Variants in DIP2C observed in about 807,000 individuals in gnomAD.
DIP2C encodes DIP2 acetate--CoA ligase C (putative), also known as disco-interacting protein 2 homolog C.
In DIP2C, 33 loss-of-function variants were observed where a neutral mutation model predicts 192.4. That is an observed-to-expected ratio of 0.17 (90% CI 0.13 to 0.23). The LOEUF (loss-of-function observed/expected upper bound fraction) is 0.23, where lower values mean the gene tolerates loss of function less well. DIP2C is among the 10% of genes least tolerant of loss of function. The pLI is 1.00. For missense variants in DIP2C, 1,537 were observed against 2,110.1 expected, an observed-to-expected ratio of 0.73 and a Z score of 5.32; for synonymous variants, 979 against 864.1, an observed-to-expected ratio of 1.13 and a Z score of -2.33.
At chr10:530,548 T>A (rs1353375943) in intron 1 of DIP2C, among the ~76,000 whole-genome samples, 1 of 149,874 alleles carries the variant, frequency 6.7e-6, no homozygotes, top group African/African-American at 2.5e-5. Context: ...GCTGGTGCAG[T>A]GGCTCAAGCC....
intron 2 of DIP2C, among the ~76,000 whole-genome samples, chr10:483,268 C>T (rs906179223): frequency 2.0e-5 from 3 of 152,222 alleles, no homozygotes; most frequent in Non-Finnish European, 4.4e-5. Context: ...CCCTTACAGG[C>T]AAGTGCGCAG....
chr10:330,150 C>A (rs1242136131), intron 29 of DIP2C, among the ~76,000 whole-genome samples: 1 of 152,074 alleles, frequency 6.6e-6, no homozygotes, highest in Admixed American at 6.5e-5. Flanking sequence ...CAGGCCTATA[C>A]CTGGTTTAGA....
chr10:278,486 T>C (rs1954642718), intron 36 of DIP2C, among the ~76,000 whole-genome samples: 1 of 152,166 alleles, frequency 6.6e-6, no homozygotes, highest in South Asian at 2.1e-4. Context: ...GTCCGGAGGA[T>C]AAGAAACACG....
At chr10:653,930 T>C (rs912157777) in intron 1 of DIP2C, among the ~76,000 whole-genome samples, 2 of 152,238 alleles carry the variant, frequency 1.3e-5, no homozygotes, top group Non-Finnish European at 2.9e-5. Flanking sequence ...TAATCATGTC[T>C]GGATTAATGG....
chr10:581,032 TGGTG>T (rs1404156344), intron 1 of DIP2C, among the ~76,000 whole-genome samples: 303 of 152,358 alleles, frequency 2.0e-3, no homozygotes, highest in Middle Eastern at 0.01. Context: ...ATTCATTTTC[TGGTG>T]AGAGAGACCA....
chr10:514,086 G>C (rs1846198618), intron 1 of DIP2C, among the ~76,000 whole-genome samples: 1 of 152,294 alleles, frequency 6.6e-6, no homozygotes, highest in African/African-American at 2.4e-5. Context: ...TCTGCCTATA[G>C]CATGTGTAAC....
intron 1 of DIP2C, among the ~76,000 whole-genome samples, chr10:637,962 C>G (rs1001963078): frequency 1.3e-5 from 2 of 152,200 alleles, no homozygotes; most frequent in Non-Finnish European, 2.9e-5. Flanking sequence ...TCCATTAAGA[C>G]AAGCCAAGAC....
intron 1 of DIP2C, among the ~76,000 whole-genome samples, chr10:557,069 T>A (rs985371994): frequency 6.6e-6 from 1 of 152,220 alleles, no homozygotes; most frequent in African/African-American, 2.4e-5. Context: ...TCAAAGCTGG[T>A]CAGTGTGGCC....
At chr10:473,524 GCT>G (rs143010035) in intron 2 of DIP2C, among the ~76,000 whole-genome samples, 3,280 of 150,486 alleles carry the variant, frequency 0.022, 117 homozygotes, top group African/African-American at 0.076. Flanking sequence ...TCCGTGAACG[GCT>G]CTGATACCAC....
chr10:476,928 C>A (rs1843077593), intron 2 of DIP2C, among the ~76,000 whole-genome samples: 1 of 151,842 alleles, frequency 6.6e-6, no homozygotes, highest in Non-Finnish European at 1.5e-5. Context: ...AGGAGGTGAC[C>A]TTGCTCTCGG....
intron 29 of DIP2C, among the ~76,000 whole-genome samples, chr10:338,834 C>T (rs941805043): frequency 7.0e-6 from 1 of 143,276 alleles, no homozygotes; most frequent in Non-Finnish European, 1.5e-5. Context: ...GCCACCTGCA[C>T]GCTGCACGCT....
Position 548,206 on chromosome 10 carries a change from CCA to C in DIP2C, c.86-61678_86-61677del, listed in dbSNP as rs1491293258. Among the ~76,000 whole-genome samples the C allele has an allele frequency of 5.0e-4, 40 of 79,976 alleles. 1 individual carries two copies. Among genetic ancestry groups the C allele is most frequent in the African/African-American group, 1.3e-3 (30 of 22,948 alleles). The allele number at this position is 79,976 out of a possible 152,430, so 52.5% of individuals were successfully genotyped here. On this transcript the variant is annotated intron_variant, in intron 1 of 36. Transcript: ENST00000280886. ...TCAGTCCAATTCACACGAGTCTGCCCCACCCCCCCCCCCACAGGAAAGCCCTG... is the reference window on the plus strand; with the variant it reads ...TCAGTCCAATTCACACGAGTCTGCCCCCCCCCCCCCCACAGGAAAGCCCTG...
chr10:565,435 A>C (rs1169255967), intron 1 of DIP2C, among the ~76,000 whole-genome samples: 1 of 151,940 alleles, frequency 6.6e-6, no homozygotes, highest in Non-Finnish European at 1.5e-5. Context: ...CACATCTCAC[A>C]TGCAGTGAAA....
At chr10:368,873 C>T (rs555331956) in intron 18 of DIP2C, among the ~76,000 whole-genome samples, 1 of 152,366 alleles carries the variant, frequency 6.6e-6, no homozygotes, top group East Asian at 1.9e-4. Flanking sequence ...CTGATGCTGC[C>T]TGTGACCCCA....
chr10:681,086 T>C (rs1207341449), intron 1 of DIP2C, among the ~76,000 whole-genome samples: 1 of 149,828 alleles, frequency 6.7e-6, no homozygotes. Flanking sequence ...CCCAGTTGCA[T>C]GGTACAGCCA....
intron 3 of DIP2C, among the ~76,000 whole-genome samples, chr10:451,067 C>G (rs189221814): frequency 6.6e-6 from 1 of 152,318 alleles, no homozygotes; most frequent in East Asian, 1.9e-4. Flanking sequence ...CTCTGCAGCA[C>G]CGGGCTGTGC....
intron 1 of DIP2C, among the ~76,000 whole-genome samples, chr10:532,694 TATGGGTGTGAGAGAGA>T (rs1847469530): frequency 2.1e-5 from 2 of 93,872 alleles, no homozygotes; most frequent in Admixed American, 2.1e-4. Context: ...TGTGAGAGAG[TATGGGTGTGAGAGAGA>T]GTATGGGTGT....
chr10:448,769 CCT>C (rs1488967852), intron 3 of DIP2C, among the ~76,000 whole-genome samples: 7 of 150,290 alleles, frequency 4.7e-5, no homozygotes, highest in East Asian at 4.0e-4. Context: ...CCCACTCACC[CCT>C]GTCGATACTC....
chr10:356,360 C>G lies in DIP2C; in HGVS notation c.2985+66G>C, dbSNP rs571616408. On this transcript the variant is annotated intron_variant, in intron 24 of 36. Transcript: ENST00000280886. ...AAGGATTCAAAGAAAGAAGCAGGAG[C>G]GCTCCCAGGAACCAGGCTAGGCCCC... is the stretch of plus-strand genomic sequence containing the variant. The G allele has an allele frequency of 1.2e-5, 19 of 1,543,648 alleles. No individual in the cohort carries two copies. In the Middle Eastern group the frequency reaches 6.7e-4, roughly 55 times the overall value.
Sources: gnomAD v4.1 joint callset for allele counts (sites outside exome capture counted in the v4.1 genomes callset) on GRCh38, gnomAD v4.1.1 for gene constraint, MANE v1.5 for transcripts, NCBI Gene and HGNC (gene_info 2026-07-23, HGNC 2026-07-21) for gene names.